Variants in CACNB2 observed in about 807,000 individuals in gnomAD.
The protein encoded by CACNB2 is voltage-dependent L-type calcium channel subunit beta-2.
In CACNB2, 42 loss-of-function variants were observed where a neutral mutation model predicts 73.3. The observed-to-expected ratio is 0.57, with a 90% CI of 0.45 to 0.74. CACNB2 has a LOEUF of 0.74. Ranked by LOEUF, CACNB2 falls within the 30% of genes least tolerant of loss-of-function variation. The probability of loss-of-function intolerance (pLI) is 0.00; values close to 1 mark genes in which losing one functional copy is unlikely to be tolerated. For missense variants in CACNB2, 940 were observed against 853.0 expected, an observed-to-expected ratio of 1.10 and a Z score of -1.27; for synonymous variants, 348 against 310.3, an observed-to-expected ratio of 1.12 and a Z score of -1.28.
At chr10:18,288,676 T>TACACACACACACACAC (rs372916856) in intron 2 of CACNB2, among the ~76,000 whole-genome samples, 9,882 of 144,216 alleles carry the variant, frequency 0.069, 385 homozygotes, top group African/African-American at 0.09. Flanking sequence ...ATGAGATTTA[T>TACACACACACACACAC]ACACACACAC....
chr10:18,411,081 A>T (rs2044598766), intron 3 of CACNB2, among the ~76,000 whole-genome samples: 1 of 152,236 alleles, frequency 6.6e-6, no homozygotes, highest in South Asian at 2.1e-4. Context: ...TTAGGCTGAA[A>T]TTATTTTCAC....
chr10:18,312,874 C>A (rs150804920), intron 2 of CACNB2, among the ~76,000 whole-genome samples: 171 of 152,212 alleles, frequency 1.1e-3, no homozygotes, highest in African/African-American at 3.9e-3. Flanking sequence ...ACTTTTTTAG[C>A]CACATTTCAA....
chr10:18,515,571 G>C (rs932384094), intron 7 of CACNB2, among the ~76,000 whole-genome samples: 1 of 152,214 alleles, frequency 6.6e-6, no homozygotes, highest in Non-Finnish European at 1.5e-5. Context: ...CTGTAAAGTT[G>C]GCTTTTTTTG....
At position 18,527,714 on chromosome 10, in the gene CACNB2, A is replaced by G; in HGVS notation, c.1054+17A>G. 1 of 1,500,908 alleles carries G rather than the reference A, an allele frequency of 6.7e-7. No homozygotes were observed. The allele number at this position is 1,500,908 out of a possible 1,614,324, so 93.0% of individuals were successfully genotyped here. On this transcript the variant is annotated intron_variant, in intron 10 of 13. Transcript: ENST00000324631. ...CAAGCTTAGGTAAGTCTGTGCAATGAGCTTAAGCTTTTTAAACTCTCCTCT... is the reference window on the plus strand; with the variant it reads ...CAAGCTTAGGTAAGTCTGTGCAATGGGCTTAAGCTTTTTAAACTCTCCTCT...
At chr10:18,265,036 A>C (rs1184983698) in intron 2 of CACNB2, among the ~76,000 whole-genome samples, 2 of 151,892 alleles carry the variant, frequency 1.3e-5, no homozygotes, top group Non-Finnish European at 2.9e-5. Flanking sequence ...TTTGCATTTT[A>C]GCGTGTCTGA....
chr10:18,225,514 C>T (rs1295251005), intron 2 of CACNB2, among the ~76,000 whole-genome samples: 2 of 150,712 alleles, frequency 1.3e-5, no homozygotes, highest in Non-Finnish European at 2.9e-5. Flanking sequence ...AAATAATTTT[C>T]TCTCTCTCTT....
chr10:18,219,387 G>A (rs975602836), intron 2 of CACNB2, among the ~76,000 whole-genome samples: 27 of 152,314 alleles, frequency 1.8e-4, no homozygotes, highest in African/African-American at 6.0e-4. Flanking sequence ...CAGTTTCCAT[G>A]TGCTGCTGGC....
chr10:18,262,235 A>G lies in CACNB2; in HGVS notation c.213+111260A>G, dbSNP rs548610740. ...GACCTTGGAAAATTGGCCACAGAAAAGAGATATATGTGAGACTTACAGGAC... is the reference window on the plus strand; with the variant it reads ...GACCTTGGAAAATTGGCCACAGAAAGGAGATATATGTGAGACTTACAGGAC... On this transcript the variant is annotated intron_variant, in intron 2 of 13. Transcript: ENST00000324631. 2.0e-4 allele frequency among the ~76,000 whole-genome samples: 29 copies of G among 148,070 alleles called. No homozygotes were observed. The South Asian group carries it at 6.3e-3, about 32-fold the overall frequency.
chr10:18,394,456 C>G (rs1019686472), intron 2 of CACNB2, among the ~76,000 whole-genome samples: 11 of 152,062 alleles, frequency 7.2e-5, no homozygotes, highest in African/African-American at 2.4e-4. Flanking sequence ...TTTGTCCTAG[C>G]TTTTCTTTTT....
chr10:18,217,712 G>A (rs1459358678), intron 2 of CACNB2, among the ~76,000 whole-genome samples: 4 of 151,402 alleles, frequency 2.6e-5, no homozygotes, highest in Non-Finnish European at 4.4e-5. Flanking sequence ...TCCAAGCAGA[G>A]AGAACAGCCA....
At chr10:18,364,396 G>A (rs2042266393) in intron 2 of CACNB2, among the ~76,000 whole-genome samples, 1 of 151,642 alleles carries the variant, frequency 6.6e-6, no homozygotes, top group African/African-American at 2.4e-5. Context: ...CGTCTTCCGG[G>A]TTCTAGCAAT....
At chr10:18,404,820 C>G (rs2044196651) in intron 3 of CACNB2, among the ~76,000 whole-genome samples, 1 of 152,186 alleles carries the variant, frequency 6.6e-6, no homozygotes, top group South Asian at 2.1e-4. Flanking sequence ...ACGAAGTACT[C>G]TGTGCTGTCA....
chr10:18,146,351 C>A (rs1267841512), intron 1 of CACNB2, among the ~76,000 whole-genome samples: 1 of 147,014 alleles, frequency 6.8e-6, no homozygotes, highest in African/African-American at 2.6e-5. Context: ...ACTCGGTAGC[C>A]CAGGTTGGAG....
At chr10:18,225,525 T>C (rs2131415665) in intron 2 of CACNB2, among the ~76,000 whole-genome samples, 1 of 152,158 alleles carries the variant, frequency 6.6e-6, no homozygotes, top group Non-Finnish European at 1.5e-5. Context: ...TCTCTCTCTT[T>C]TCTTTTCTTT....
intron 2 of CACNB2, among the ~76,000 whole-genome samples, chr10:18,347,041 T>C (rs1293136171): frequency 1.3e-5 from 2 of 152,220 alleles, no homozygotes; most frequent in African/African-American, 2.4e-5. Flanking sequence ...AAGTGCACCT[T>C]TTAGAAAGTC....
chr10:18,436,910 A>G (rs571132890), intron 3 of CACNB2, among the ~76,000 whole-genome samples: 1 of 152,320 alleles, frequency 6.6e-6, no homozygotes, highest in Non-Finnish European at 1.5e-5. Flanking sequence ...TATATTTGAA[A>G]TCTCACAAGA....
intron 3 of CACNB2, among the ~76,000 whole-genome samples, chr10:18,446,054 T>C (rs2046719568): frequency 6.6e-6 from 1 of 152,014 alleles, no homozygotes; most frequent in African/African-American, 2.4e-5. Flanking sequence ...AGTGGTGGGA[T>C]TGTAGCTGAG....
intron 2 of CACNB2, among the ~76,000 whole-genome samples, chr10:18,252,889 G>T (rs951481506): frequency 2.2e-4 from 34 of 152,182 alleles, no homozygotes; most frequent in African/African-American, 8.2e-4. Context: ...ATGATGGCTC[G>T]GGTGGAAAAG....
chr10:18,532,635 C>T (rs1204786613), intron 10 of CACNB2, among the ~76,000 whole-genome samples: 5 of 142,658 alleles, frequency 3.5e-5, no homozygotes, highest in Non-Finnish European at 7.5e-5. Context: ...CGAGACTGCA[C>T]CACTGCACTC....
Sources: gnomAD v4.1 joint callset for allele counts (sites outside exome capture counted in the v4.1 genomes callset) on GRCh38, gnomAD v4.1.1 for gene constraint, MANE v1.5 for transcripts, NCBI Gene and HGNC (gene_info 2026-07-23, HGNC 2026-07-21) for gene names.